The following GPAT4 variants were observed in gnomAD, a reference collection of about 807,000 sequenced individuals.
GPAT4 encodes glycerol-3-phosphate acyltransferase 4.
In GPAT4, 17 loss-of-function variants were observed where a neutral mutation model predicts 58.0. The observed-to-expected ratio is 0.29, with a 90% confidence interval of 0.20 to 0.44. The LOEUF (loss-of-function observed/expected upper bound fraction) is 0.44. Ranked by LOEUF, GPAT4 falls within the 20% of genes least tolerant of loss-of-function variation. The pLI, the probability that GPAT4 is intolerant of heterozygous loss-of-function variation, is 1.00. For missense variants in GPAT4, 377 were observed against 574.5 expected (o/e 0.66, Z 3.51); for synonymous variants, 204 against 210.1 (o/e 0.97, Z 0.25).
At chr8:41,606,601 A>C (rs980839686) in intron 2 of GPAT4, among the ~76,000 whole-genome samples, 25 of 152,356 alleles carry the variant, frequency 1.6e-4, no homozygotes, top group Admixed American at 1.1e-3. Context: ...ATTAATGTGC[A>C]CAGGAGTTTT....
At chr8:41,588,411 A>G (rs1029722084) in intron 1 of GPAT4, among the ~76,000 whole-genome samples, 2 of 152,088 alleles carry the variant, frequency 1.3e-5, no homozygotes, top group Non-Finnish European at 2.9e-5. Flanking sequence ...TGATTGGGAG[A>G]GAATTGGTAT....
intron 1 of GPAT4, among the ~76,000 whole-genome samples, chr8:41,584,008 C>T (rs1157738780): frequency 6.6e-6 from 1 of 152,174 alleles, no homozygotes; most frequent in Non-Finnish European, 1.5e-5. Flanking sequence ...GTGATCCTCC[C>T]ACCTAAGCCT....
chr8:41,607,319 G>A (rs1489036990), intron 2 of GPAT4, among the ~76,000 whole-genome samples: 8 of 152,154 alleles, frequency 5.3e-5, no homozygotes. Flanking sequence ...GGAGGCCAAA[G>A]GGATGTTTAT....
intron 10 of GPAT4, among the ~76,000 whole-genome samples, chr8:41,616,324 T>A (rs1319262844): frequency 1.3e-5 from 2 of 152,152 alleles, no homozygotes; most frequent in African/African-American, 4.8e-5. Context: ...TGAGGCAGGG[T>A]CTCAGTCTGT....
In GPAT4 at chr8:41,621,073, C is replaced by T; in HGVS notation, c.*72C>T. The T allele has an allele frequency of 6.5e-7, 1 of 1,538,232 alleles. No individual in the cohort carries two copies. The highest frequency in any genetic ancestry group is 8.8e-7 in the Non-Finnish European group (1 of 1,139,678). On this transcript the variant is annotated 3_prime_UTR_variant, in exon 13 of 13. Transcript: ENST00000396987. ...TCAGAGCTGGAGTTGCCGCCGCCGC[C>T]CCCACTGCTGTGTCCTTTCCAGACT...
Position 41,623,166 on chromosome 8 carries a change from G to A in GPAT4, c.*2165G>A, listed in dbSNP as rs1420888568. ...GGAAGTCCTGTGCGGGCCGGGCAGT[G>A]AGGAGAGCACTGATTCACGCCTGCA... is the stretch of plus-strand genomic sequence containing the variant. On this transcript the variant is annotated 3_prime_UTR_variant, in exon 13 of 13. Transcript: ENST00000396987. 6.6e-6 allele frequency: 1 copy of A among 152,234 alleles called. No individual in the cohort carries two copies. Among genetic ancestry groups the A allele is most frequent in the African/African-American group, 2.4e-5 (1 of 41,432 alleles). 9.4% of individuals were successfully genotyped at this position (152,234 alleles called of 1,614,324 possible).
chr8:41,601,927 G>C (rs944224881), intron 2 of GPAT4, among the ~76,000 whole-genome samples: 6 of 150,874 alleles, frequency 4.0e-5, no homozygotes, highest in Non-Finnish European at 8.8e-5. Context: ...GCCACATCTT[G>C]AAAATTACTG....
At position 41,598,950 on chromosome 8, in the gene GPAT4, C is replaced by T. The variant is rs947972990; in HGVS notation, c.-190C>T. 5 of 702,148 alleles carry T rather than the reference C, an allele frequency of 7.1e-6. No homozygotes were observed. The highest frequency in any genetic ancestry group is 1.2e-5 in the Non-Finnish European group (5 of 432,770). The allele number at this position is 702,148 out of a possible 1,614,324, so 43.5% of individuals were successfully genotyped here. A position where few individuals can be genotyped will look rare whatever the true frequency, so the allele number is the denominator to read the frequency against. On this transcript the variant is annotated 5_prime_UTR_variant, in exon 2 of 13. Coordinates refer to ENST00000396987, the MANE Select transcript of GPAT4 (RefSeq NM_178819.4). Reference sequence around the variant, plus strand: ...TGGCGTTTGCAGTTGCCTCCTGTGGCCGTGTTTTTCTGTCATTCTGTTCCC... The same window carrying T: ...TGGCGTTTGCAGTTGCCTCCTGTGGTCGTGTTTTTCTGTCATTCTGTTCCC...
intron 7 of GPAT4, 30 bp downstream of exon 7, chr8:41,612,303 G>A (rs1329100665): frequency 1.6e-5 from 26 of 1,610,348 alleles, no homozygotes; most frequent in Non-Finnish European, 2.1e-5. Context: ...CGTTCTTGAG[G>A]CAAGACTTCC....
rs1195551029 is a variant in GPAT4, at chr8:41,611,959, G to A, written c.668G>A (p.Arg223Gln). The stretch of plus-strand genomic sequence containing the variant: ...TTAATGTGTTACCGGATCTGCGTGC[G>A]AGCGCTGACAGCCATCATCACCTAC... ...VHLMCYRICV[R>Q]ALTAIITYHD... The change falls in exon 6 of 13, where the codon CGA (arginine) becomes CAA (glutamine). Residue 223 changes from arginine to glutamine, a missense_variant. Arg to Gln is a conservative substitution (Grantham distance 43, BLOSUM62 1). Transcript: ENST00000396987. 2.5e-6 allele frequency: 4 copies of A among 1,614,152 alleles called. No individual in the cohort carries two copies. Among genetic ancestry groups the A allele is most frequent in the Admixed American group, 1.7e-5 (1 of 60,010 alleles).
intron 2 of GPAT4, among the ~76,000 whole-genome samples, chr8:41,602,102 G>A (rs1299219403): frequency 6.6e-6 from 1 of 152,120 alleles, no homozygotes; most frequent in Non-Finnish European, 1.5e-5. Context: ...TGACAGGCGC[G>A]TGCCATCACA....
chr8:41,614,947 GTC>G lies in GPAT4; in HGVS notation c.968-13_968-12del, dbSNP rs1563279245. The G allele has an allele frequency of 5.6e-6, 9 of 1,607,588 alleles. No homozygotes were observed. Among genetic ancestry groups the G allele is most frequent in the Non-Finnish European group, 7.7e-6 (9 of 1,174,178 alleles). On this transcript the variant is annotated splice_polypyrimidine_tract_variant and intron_variant, in intron 9 of 12. Coordinates refer to ENST00000396987, the MANE Select transcript of GPAT4 (RefSeq NM_178819.4). ...GGGCCAACAGAAATAGCATTTTATT[GTC>G]TCCTGCATTTTAGGAACCTGCATCA...
At chr8:41,608,729 T>C (rs1232725130) in intron 2 of GPAT4, among the ~76,000 whole-genome samples, 1 of 152,200 alleles carries the variant, frequency 6.6e-6, no homozygotes, top group East Asian at 1.9e-4. Flanking sequence ...TCAATCCTGT[T>C]TTGCAGATAA....
intron 1 of GPAT4, among the ~76,000 whole-genome samples, chr8:41,586,766 A>ATGGAT (rs1282759955): frequency 1.3e-5 from 2 of 152,090 alleles, no homozygotes. Flanking sequence ...GATGCCTTTT[A>ATGGAT]CGTATGGATA....
rs374501655 is a variant in GPAT4, at chr8:41,612,186, C to T, written c.708C>T (p.Asn236=). ...TAIITYHDRE[N]RPRNGGICVA... ...GCATACATTTTAAACCCAGGGAAAA[C>T]AGACCAAGAAATGGTGGCATCTGTG... is the stretch of plus-strand genomic sequence containing the variant. Residue 236 remains asparagine, a synonymous_variant, in exon 7 of 13, where the codon AAC becomes AAT. Coordinates refer to ENST00000396987, the MANE Select transcript of GPAT4 (RefSeq NM_178819.4). 12 of 1,614,224 alleles carry T rather than the reference C, an allele frequency of 7.4e-6. No homozygotes were observed. Among genetic ancestry groups the T allele is most frequent in the Non-Finnish European group, 1.0e-5 (12 of 1,180,036 alleles).
intron 1 of GPAT4, among the ~76,000 whole-genome samples, chr8:41,588,895 C>T (rs1160117638): frequency 2.0e-5 from 3 of 152,160 alleles, no homozygotes; most frequent in South Asian, 4.2e-4. Flanking sequence ...AATGTTTGGC[C>T]TGTGGGGGAA....
rs746278634 is a variant in GPAT4 at position 41,614,955 on chromosome 8, C to T, written c.968-8C>T. 12 of 1,612,510 alleles carry T rather than the reference C, an allele frequency of 7.4e-6. No individual in the cohort carries two copies. In the African/African-American group the frequency reaches 1.1e-4, roughly 14 times the overall value. On this transcript the variant is annotated splice_region_variant and splice_polypyrimidine_tract_variant and intron_variant, in intron 9 of 12. Coordinates refer to ENST00000396987, the MANE Select transcript of GPAT4 (RefSeq NM_178819.4). ...AGAAATAGCATTTTATTGTCTCCTG[C>T]ATTTTAGGAACCTGCATCAATAATA... is the stretch of plus-strand genomic sequence containing the variant.
chr8:41,581,993 ATTTTTTTTTTTTTTTTTTTT>A (rs71230849), intron 1 of GPAT4, among the ~76,000 whole-genome samples: 1 of 63,592 alleles, frequency 1.6e-5, no homozygotes, highest in Admixed American at 2.7e-4. Flanking sequence ...AAGTTCAATG[ATTTTTTTTTTTTTTTTTTTT>A]TTTTTTTTTT....
rs746646081 is a variant in GPAT4, at chr8:41,609,412, C to T, written c.166-4C>T. On this transcript the variant is annotated splice_polypyrimidine_tract_variant and splice_region_variant and intron_variant, in intron 2 of 12. Coordinates refer to ENST00000396987, the MANE Select transcript of GPAT4 (RefSeq NM_178819.4). ...TCTTGTATCTTGCTTCCTTCCCCTCCCAGTGGGCTACCTTGAGAATGGAGC... is the reference window on the plus strand; with the variant it reads ...TCTTGTATCTTGCTTCCTTCCCCTCTCAGTGGGCTACCTTGAGAATGGAGC... 2.5e-6 allele frequency: 4 copies of T among 1,614,054 alleles called. No individual in the cohort carries two copies. In the South Asian group the frequency reaches 3.3e-5, roughly 13 times the overall value.
Sources: allele counts gnomAD v4.1 joint callset (sites outside exome capture counted in the v4.1 genomes callset), GRCh38; gene constraint gnomAD v4.1.1; transcripts MANE v1.5; gene names NCBI Gene and HGNC (gene_info 2026-07-23, HGNC 2026-07-21).